Variants in USP13 observed in about 807,000 individuals in gnomAD.
USP13 encodes the protein ubiquitin specific peptidase 13, also known as ubiquitin carboxyl-terminal hydrolase 13.
Under a neutral mutation model 107.8 loss-of-function variants are expected in USP13, and 68 were observed. The observed-to-expected ratio is 0.63, with a 90% CI of 0.52 to 0.77. USP13 has a LOEUF of 0.77. Among genes scored for constraint, USP13 ranks in the 30% least tolerant of loss-of-function variants. USP13 has a pLI of 0.00. For missense variants in USP13, 945 were observed against 1,093.3 expected, an observed-to-expected ratio of 0.86 and a Z score of 1.91; for synonymous variants, 377 against 389.5, an observed-to-expected ratio of 0.97 and a Z score of 0.38.
At chr3:179,717,306 A>C (rs1560060291) in intron 6 of USP13, among the ~76,000 whole-genome samples, 1 of 152,186 alleles carries the variant, frequency 6.6e-6, no homozygotes, top group Non-Finnish European at 1.5e-5. Flanking sequence ...CCTGATTGCC[A>C]AGTTTGAAGA....
rs140308745 is a variant in USP13 at position 179,742,226 on chromosome 3, C to T, written c.1410C>T (p.Ser470=). ...ACCGCATCGGCTCAGAAAACCCAAGCGATGTTTTTCGTTTTTTGGTGGAAG... is the reference window on the plus strand; with the variant it reads ...ACCGCATCGGCTCAGAAAACCCAAGTGATGTTTTTCGTTTTTTGGTGGAAG... The part of the protein sequence containing the change: ...ERNRIGSENP[S]DVFRFLVEER... Residue 470 remains serine (S), a synonymous_variant, in exon 12 of 21, where the codon AGC becomes AGT. Coordinates refer to ENST00000263966, the MANE Select transcript of USP13 (RefSeq NM_003940.3). This position sits in a 1 kb window ranked among gnomAD's most constrained non-coding sequence, Gnocchi z 5.0. The T allele has an allele frequency of 6.5e-5, 105 of 1,614,056 alleles. No homozygotes were observed. Among genetic ancestry groups the T allele is most frequent in the Non-Finnish European group, 8.7e-5 (103 of 1,180,056 alleles).
Position 179,704,502 on chromosome 3 carries a change from A to T in USP13, c.478-2432A>T, listed in dbSNP as rs1198401800. ...ACAGCAGCCAGTGTGATCTTCTGTGAAAATTAGATCCTATCCTTCTTCAGC... is the reference window on the plus strand; with the variant it reads ...ACAGCAGCCAGTGTGATCTTCTGTGTAAATTAGATCCTATCCTTCTTCAGC... On this transcript the variant is annotated intron_variant, in intron 4 of 20. Transcript: ENST00000263966. 9.2e-5 allele frequency among the ~76,000 whole-genome samples: 14 copies of T among 152,248 alleles called. No individual in the cohort carries two copies. In the South Asian group the frequency reaches 2.9e-3, roughly 32 times the overall value.
At position 179,728,767 on chromosome 3, in the gene USP13, G is replaced by C. The variant is rs548704144; in HGVS notation, c.1089-1422G>C. Among the ~76,000 whole-genome samples the C allele has an allele frequency of 2.6e-5, 4 of 152,340 alleles. No homozygotes were observed. In the South Asian group the frequency reaches 8.3e-4, roughly 32 times the overall value. On this transcript the variant is annotated intron_variant, in intron 8 of 20. Coordinates refer to ENST00000263966, the MANE Select transcript of USP13 (RefSeq NM_003940.3). Reference sequence around the variant, plus strand: ...GGCCGAGGCTGGCGGATCACTCGCGGTTAGGGGCTGGAGACCGGCCGGGCC... The same window carrying C: ...GGCCGAGGCTGGCGGATCACTCGCGCTTAGGGGCTGGAGACCGGCCGGGCC...
chr3:179,703,958 G>T (rs548161981), intron 4 of USP13, among the ~76,000 whole-genome samples: 26 of 152,310 alleles, frequency 1.7e-4, no homozygotes, highest in Admixed American at 5.2e-4. Context: ...ACTCTTATGA[G>T]CCAGTTTGAG....
chr3:179,669,710 C>T (rs565539107), intron 1 of USP13, among the ~76,000 whole-genome samples: 12 of 152,200 alleles, frequency 7.9e-5, no homozygotes, highest in Admixed American at 2.0e-4. Context: ...GTGGCCAGTG[C>T]GGTAGAGGAA....
At chr3:179,725,207 G>A (rs1046382481) in intron 8 of USP13, among the ~76,000 whole-genome samples, 1 of 152,156 alleles carries the variant, frequency 6.6e-6, no homozygotes, top group South Asian at 2.1e-4. Context: ...GTGAGACGCT[G>A]TCTTGAAAAA....
intron 6 of USP13, among the ~76,000 whole-genome samples, chr3:179,717,956 T>A (rs199633052): frequency 6.6e-6 from 1 of 151,696 alleles, no homozygotes; most frequent in Non-Finnish European, 1.5e-5. Context: ...TTATTAATAA[T>A]AGACTGAATT....
chr3:179,773,643 T>C (rs1231232579), intron 19 of USP13, among the ~76,000 whole-genome samples: 1 of 152,204 alleles, frequency 6.6e-6, no homozygotes, highest in Non-Finnish European at 1.5e-5. Flanking sequence ...CATTAATTAA[T>C]GAGAGAATCA....
At chr3:179,693,440 G>T (rs1381021214) in intron 3 of USP13, among the ~76,000 whole-genome samples, 1 of 151,572 alleles carries the variant, frequency 6.6e-6, no homozygotes, top group Non-Finnish European at 1.5e-5. Flanking sequence ...TGTGTGAGCT[G>T]CTGTGCCTGG....
At chr3:179,771,253 G>C (rs1312164574) in intron 19 of USP13, among the ~76,000 whole-genome samples, 1 of 152,150 alleles carries the variant, frequency 6.6e-6, no homozygotes, top group Non-Finnish European at 1.5e-5. Context: ...GCTAAGTCTT[G>C]TCCCAGAGTT....
At chr3:179,767,377 C>A (rs995460141) in intron 19 of USP13, among the ~76,000 whole-genome samples, 1 of 151,948 alleles carries the variant, frequency 6.6e-6, no homozygotes, top group Non-Finnish European at 1.5e-5. Context: ...AGGCAGTCTG[C>A]CTCCAGAGCC....
At position 179,721,668 on chromosome 3, in the gene USP13, G is replaced by A. The variant is rs775935559; in HGVS notation, c.1088+79G>A. ...GTCCAGTCCACTCAGTGTGCGCTGCGAAGCCCATCTTTATTGCTTCAGGAC... is the reference window on the plus strand; with the variant it reads ...GTCCAGTCCACTCAGTGTGCGCTGCAAAGCCCATCTTTATTGCTTCAGGAC... On this transcript the variant is annotated intron_variant, in intron 8 of 20. Coordinates refer to ENST00000263966, the MANE Select transcript of USP13 (RefSeq NM_003940.3). This position sits in a 1 kb window ranked among gnomAD's most constrained non-coding sequence, Gnocchi z 4.3. 7.5e-6 allele frequency: 11 copies of A among 1,475,334 alleles called. No homozygotes were observed. The highest frequency in any genetic ancestry group is 1.0e-5 in the Non-Finnish European group (11 of 1,092,824). 91.4% of individuals were successfully genotyped at this position (1,475,334 alleles called of 1,614,324 possible). A position where few individuals can be genotyped will look rare whatever the true frequency, so the allele number is the denominator to read the frequency against.
intron 13 of USP13, among the ~76,000 whole-genome samples, chr3:179,746,980 A>T (rs1273240515): frequency 1.3e-5 from 2 of 152,238 alleles, no homozygotes; most frequent in Non-Finnish European, 1.5e-5. Flanking sequence ...TTCAAAAAGG[A>T]AAAACAAGCC....
At chr3:179,696,140 C>T (rs556078197) in intron 3 of USP13, among the ~76,000 whole-genome samples, 8 of 152,206 alleles carry the variant, frequency 5.3e-5, no homozygotes, top group Non-Finnish European at 1.2e-4. Context: ...GTGGCTGATC[C>T]GATTCAGGGA....
intron 11 of USP13, among the ~76,000 whole-genome samples, chr3:179,741,540 A>G (rs1350506289): frequency 6.6e-6 from 1 of 151,852 alleles, no homozygotes; most frequent in African/African-American, 2.4e-5. Flanking sequence ...TATTTTTAGT[A>G]GAGACGGGGT....
chr3:179,749,222 A>G (rs1445061704), intron 13 of USP13, among the ~76,000 whole-genome samples: 2 of 152,170 alleles, frequency 1.3e-5, no homozygotes, highest in African/African-American at 4.8e-5. Context: ...GATTTAGTGA[A>G]CAATCAATAT....
chr3:179,662,864 A>G lies in USP13; in HGVS notation c.168+9471A>G, dbSNP rs1056354316. 4.6e-5 allele frequency among the ~76,000 whole-genome samples: 7 copies of G among 152,220 alleles called. No individual in the cohort carries two copies. The Middle Eastern group carries it at 0.01, about 222-fold the overall frequency. On this transcript the variant is annotated intron_variant, in intron 1 of 20. Transcript: ENST00000263966. Reference sequence around the variant, plus strand: ...TTTCCTCCCCTGCATTCCTCTCCCTATGGACTGGAGCTCAGTTAAAGGAGC... The same window carrying G: ...TTTCCTCCCCTGCATTCCTCTCCCTGTGGACTGGAGCTCAGTTAAAGGAGC...
chr3:179,729,782 T>C (rs904878462), intron 8 of USP13, among the ~76,000 whole-genome samples: 2 of 152,222 alleles, frequency 1.3e-5, no homozygotes, highest in African/African-American at 4.8e-5. Context: ...TCTGTACCAC[T>C]GTCATCGAGG....
chr3:179,738,299 A>G (rs1714063842), intron 10 of USP13, among the ~76,000 whole-genome samples: 1 of 152,246 alleles, frequency 6.6e-6, no homozygotes, highest in Non-Finnish European at 1.5e-5. Flanking sequence ...GCCTTTGCAG[A>G]GAGGACATAA....
Sources: allele counts gnomAD v4.1 joint callset (sites outside exome capture counted in the v4.1 genomes callset), GRCh38; gene constraint gnomAD v4.1.1; non-coding constraint Gnocchi (gnomAD v3.1); transcripts MANE v1.5; gene names NCBI Gene and HGNC (gene_info 2026-07-23, HGNC 2026-07-21).